Variants in GPC6 observed in about 807,000 individuals in gnomAD.
GPC6 encodes glypican-6.
Under a neutral mutation model 55.2 loss-of-function variants are expected in GPC6, and 14 were observed. That is an observed-to-expected ratio of 0.25 (90% confidence interval 0.17 to 0.40). The LOEUF (loss-of-function observed/expected upper bound fraction) is 0.40, where lower values mean the gene tolerates loss of function less well. Ranked by LOEUF, GPC6 falls within the 10% of genes least tolerant of loss-of-function variation. The pLI is 1.00. For missense variants in GPC6, 641 were observed against 708.5 expected, an observed-to-expected ratio of 0.90 and a Z score of 1.08; for synonymous variants, 278 against 259.6, an observed-to-expected ratio of 1.07 and a Z score of -0.68.
intron 2 of GPC6, among the ~76,000 whole-genome samples, chr13:93,809,372 AT>A (rs1177169064): frequency 6.6e-6 from 1 of 152,174 alleles, no homozygotes; most frequent in African/African-American, 2.4e-5. Context: ...TTTAAATTCA[AT>A]TTGCATAATG....
intron 1 of GPC6, among the ~76,000 whole-genome samples, chr13:93,319,778 A>T (rs1474443857): frequency 2.0e-5 from 3 of 152,256 alleles, no homozygotes; most frequent in African/African-American, 7.2e-5. Context: ...AAAATTTCAG[A>T]ACGCTAGGCA....
intron 6 of GPC6, among the ~76,000 whole-genome samples, chr13:94,324,311 TAAAAA>T (rs76342753): frequency 9.3e-6 from 1 of 107,256 alleles, no homozygotes; most frequent in Middle Eastern, 4.3e-3. Context: ...ATGAAAGCCT[TAAAAA>T]AAAAAAAAAA....
chr13:94,317,674 G>T (rs947128924), intron 6 of GPC6, among the ~76,000 whole-genome samples: 4 of 152,184 alleles, frequency 2.6e-5, no homozygotes, highest in African/African-American at 4.8e-5. Flanking sequence ...AGTTTTTTTT[G>T]ACAAAATGAA....
intron 2 of GPC6, among the ~76,000 whole-genome samples, chr13:93,635,622 G>A (rs1234710819): frequency 6.6e-6 from 1 of 152,134 alleles, no homozygotes; most frequent in Non-Finnish European, 1.5e-5. Flanking sequence ...CATACTCAGA[G>A]CAATGCTGGG....
intron 2 of GPC6, among the ~76,000 whole-genome samples, chr13:93,634,907 G>T (rs1191029544): frequency 6.6e-6 from 1 of 152,118 alleles, no homozygotes; most frequent in East Asian, 1.9e-4. Flanking sequence ...GAACAACTTT[G>T]AGTAGGCAAA....
At chr13:93,324,547 T>C (rs1879572304) in intron 1 of GPC6, among the ~76,000 whole-genome samples, 1 of 98,326 alleles carries the variant, frequency 1.0e-5, no homozygotes. Flanking sequence ...TATGTGTGTA[T>C]ATATATATAT....
At chr13:93,683,576 T>C (rs1418969727) in intron 2 of GPC6, among the ~76,000 whole-genome samples, 2 of 152,318 alleles carry the variant, frequency 1.3e-5, no homozygotes, top group African/African-American at 2.4e-5. Flanking sequence ...TTTTAAATTC[T>C]ATTCTCAATT....
intron 5 of GPC6, among the ~76,000 whole-genome samples, chr13:94,287,586 A>G (rs907095205): frequency 6.6e-6 from 1 of 152,184 alleles, no homozygotes; most frequent in Admixed American, 6.5e-5. Flanking sequence ...TCCATGGGAG[A>G]TGGATGAGCT....
At chr13:94,358,092 C>A (rs1300870849) in intron 6 of GPC6, among the ~76,000 whole-genome samples, 7 of 151,998 alleles carry the variant, frequency 4.6e-5, no homozygotes, top group Admixed American at 4.6e-4. Context: ...GAGTTCGAGA[C>A]CAGCCTGACC....
intron 3 of GPC6, among the ~76,000 whole-genome samples, chr13:93,831,166 A>G (rs866355985): frequency 3.9e-5 from 6 of 152,204 alleles, no homozygotes; most frequent in African/African-American, 1.4e-4. Flanking sequence ...ATTTCATACC[A>G]TGCATTGCCT....
At chr13:93,485,167 G>A (rs1008238353) in intron 1 of GPC6, among the ~76,000 whole-genome samples, 1 of 152,116 alleles carries the variant, frequency 6.6e-6, no homozygotes, top group Admixed American at 6.6e-5. Context: ...TTTAAAATAC[G>A]ACTAAAATTA....
chr13:93,820,359 TATA>T (rs1275504602), intron 2 of GPC6, among the ~76,000 whole-genome samples: 1 of 152,096 alleles, frequency 6.6e-6, no homozygotes, highest in African/African-American at 2.4e-5. Flanking sequence ...AAATTTAATT[TATA>T]ATGTTTAAGA....
chr13:94,248,169 T>A (rs1311243058), intron 4 of GPC6, among the ~76,000 whole-genome samples: 2 of 152,062 alleles, frequency 1.3e-5, no homozygotes, highest in African/African-American at 4.8e-5. Flanking sequence ...GCCTTAAGAG[T>A]CATGTCTTTA....
At chr13:94,054,027 T>C (rs1884045916) in intron 4 of GPC6, among the ~76,000 whole-genome samples, 2 of 152,166 alleles carry the variant, frequency 1.3e-5, no homozygotes, top group Admixed American at 1.3e-4. Flanking sequence ...ATGAACACTC[T>C]GCTAATAATT....
rs1888611107 is a variant in GPC6, at chr13:94,172,580, T to G, written c.878-113769T>G. Among the ~76,000 whole-genome samples the G allele has an allele frequency of 1.3e-5, 2 of 152,242 alleles. 1 individual carries two copies. Among genetic ancestry groups the G allele is most frequent in the South Asian group, 4.1e-4 (2 of 4,836 alleles). The stretch of plus-strand genomic sequence containing the variant: ...GCCATACTTATTCATTAACATATTC[T>G]CTATGGGTCCTTTCCCAAGAGCTGA... On this transcript the variant is annotated intron_variant, in intron 4 of 8. Coordinates refer to ENST00000377047, the MANE Select transcript of GPC6 (RefSeq NM_005708.5).
chr13:93,647,754 G>A (rs1880232769), intron 2 of GPC6, among the ~76,000 whole-genome samples: 1 of 152,134 alleles, frequency 6.6e-6, no homozygotes, highest in African/African-American at 2.4e-5. Flanking sequence ...CACCATTTCA[G>A]TTCGCTCACT....
At chr13:93,273,721 T>C (rs1877629164) in intron 1 of GPC6, among the ~76,000 whole-genome samples, 1 of 152,210 alleles carries the variant, frequency 6.6e-6, no homozygotes, top group African/African-American at 2.4e-5. Context: ...ATAGAAATTT[T>C]AGGTATTTTG....
chr13:94,066,395 C>A (rs1473468596), intron 4 of GPC6, among the ~76,000 whole-genome samples: 3 of 152,046 alleles, frequency 2.0e-5, no homozygotes, highest in Admixed American at 2.0e-4. Context: ...AACTCATGTA[C>A]ACTTTTTCAA....
intron 2 of GPC6, among the ~76,000 whole-genome samples, chr13:93,545,764 T>A (rs1874754934): frequency 6.6e-6 from 1 of 152,174 alleles, no homozygotes; most frequent in African/African-American, 2.4e-5. Context: ...GGATTCTCCT[T>A]AAAAAATAAG....
Sources: allele counts gnomAD v4.1 joint callset (sites outside exome capture counted in the v4.1 genomes callset), GRCh38; gene constraint gnomAD v4.1.1; transcripts MANE v1.5; gene names NCBI Gene and HGNC (gene_info 2026-07-23, HGNC 2026-07-21).